Variants in GRHL2 observed in about 807,000 individuals in gnomAD.
The protein encoded by GRHL2 is grainyhead like transcription factor 2.
Under a neutral mutation model 83.8 loss-of-function variants are expected in GRHL2, and 21 were observed. The ratio of observed to expected loss-of-function variants is 0.25; its 90% confidence interval spans 0.18 to 0.36. The LOEUF (loss-of-function observed/expected upper bound fraction) is 0.36, where lower values mean the gene tolerates loss of function less well. Ranked by LOEUF, GRHL2 falls within the 10% of genes least tolerant of loss-of-function variation. GRHL2 has a pLI of 1.00. For synonymous variants in GRHL2, 280 were observed against 278.9 expected (o/e 1.00, Z -0.04); for missense variants, 623 against 781.8 (o/e 0.80, Z 2.42).
chr8:101,671,811 T>C (rs755920625), downstream of GRHL2, among the ~76,000 whole-genome samples: 252 of 152,278 alleles, frequency 1.7e-3, 4 homozygotes, highest in Non-Finnish European at 8.4e-4. Flanking sequence ...TGACATCTCA[T>C]ATGTCCGGGT....
chr8:101,675,801 T>C, the GRHL2 span, among the ~76,000 whole-genome samples: 3 of 152,116 alleles, frequency 2.0e-5, no homozygotes, highest in Non-Finnish European at 4.4e-5. Context: ...GCTACCTGAC[T>C]TCAAACTATA....
At chr8:101,534,331 G>T (rs1810997723) in intron 1 of GRHL2, among the ~76,000 whole-genome samples, 1 of 152,090 alleles carries the variant, frequency 6.6e-6, no homozygotes, top group Non-Finnish European at 1.5e-5. Context: ...TCACCTGGTT[G>T]TGGGCAGCCC....
At chr8:101,601,159 AACACACACAC>A (rs5893575) in intron 8 of GRHL2, among the ~76,000 whole-genome samples, 6 of 137,414 alleles carry the variant, frequency 4.4e-5, no homozygotes, top group Non-Finnish European at 6.2e-5. Context: ...GACTGTCTTA[AACACACACAC>A]ACACACACAC....
In GRHL2 at chr8:101,632,166, G is replaced by A. The variant is rs142873162; in HGVS notation, c.1346-60G>A. The A allele has an allele frequency of 1.4e-5, 23 of 1,588,066 alleles. No homozygotes were observed. The African/African-American group carries it at 1.5e-4, about 10-fold the overall frequency. On this transcript the variant is annotated intron_variant, in intron 10 of 15. Transcript: ENST00000646743. ...AAAATCGTGGACTTTAGGACTTACA[G>A]TTGAGAGTTCTTAGTCATATATGAC... is the stretch of plus-strand genomic sequence containing the variant.
chr8:101,522,565 A>T (rs979460396), intron 1 of GRHL2, among the ~76,000 whole-genome samples: 2 of 152,070 alleles, frequency 1.3e-5, no homozygotes, highest in Admixed American at 6.5e-5. Flanking sequence ...AAATGGTATA[A>T]CCTCTCTGGA....
At chr8:101,604,078 A>ATGTGTG (rs1295318821) in intron 8 of GRHL2, among the ~76,000 whole-genome samples, 47 of 150,182 alleles carry the variant, frequency 3.1e-4, no homozygotes, top group South Asian at 1.1e-3. Flanking sequence ...ATGTGTGTGC[A>ATGTGTG]TATGTGTATG....
Position 101,667,640 on chromosome 8 carries a change from A to G in GRHL2, c.*937A>G, listed in dbSNP as rs1334037467. 12 of 152,316 alleles carry G rather than the reference A, an allele frequency of 7.9e-5. No homozygotes were observed. The highest frequency in any genetic ancestry group is 7.2e-4 in the Admixed American group (11 of 15,276). The allele number at this position is 152,316 out of a possible 1,614,324, so 9.4% of individuals were successfully genotyped here. ...CCTTCGAGGCCACCACGTTTATCTC[A>G]CAATGATGTGTTTTGCTTGACTTTC... On this transcript the variant is annotated 3_prime_UTR_variant, in exon 16 of 16. Transcript: ENST00000646743.
intron 1 of GRHL2, among the ~76,000 whole-genome samples, chr8:101,535,690 C>G (rs1247778207): frequency 6.6e-6 from 1 of 152,082 alleles, no homozygotes; most frequent in Non-Finnish European, 1.5e-5. Flanking sequence ...AGGCGCGCAC[C>G]ACCACACCTG....
chr8:101,606,720 T>C (rs1586138875), intron 8 of GRHL2, among the ~76,000 whole-genome samples: 1 of 152,166 alleles, frequency 6.6e-6, no homozygotes, highest in African/African-American at 2.4e-5. Flanking sequence ...ACTTACTATT[T>C]CTATAGAAAA....
At chr8:101,542,089 C>T (rs1182180054) in intron 1 of GRHL2, among the ~76,000 whole-genome samples, 1 of 152,082 alleles carries the variant, frequency 6.6e-6, no homozygotes, top group Non-Finnish European at 1.5e-5. Context: ...GCTTACATTG[C>T]CTTTTACATT....
chr8:101,631,805 G>A (rs932566103), intron 10 of GRHL2, 81 bp downstream of exon 10: 25 of 1,176,940 alleles, frequency 2.1e-5, no homozygotes, highest in Admixed American at 1.4e-4. Context: ...GGAAGAAGTG[G>A]GTTGCAGGTA....
At chr8:101,518,966 G>A (rs536461571) in intron 1 of GRHL2, among the ~76,000 whole-genome samples, 2 of 152,216 alleles carry the variant, frequency 1.3e-5, no homozygotes, top group South Asian at 2.1e-4. Flanking sequence ...CACTGGCCTC[G>A]TCTGTTGGAA....
At chr8:101,674,938 A>G in the GRHL2 span, among the ~76,000 whole-genome samples, 1 of 152,200 alleles carries the variant, frequency 6.6e-6, no homozygotes, top group African/African-American at 2.4e-5. Context: ...CAGCATATAA[A>G]CAGAACCAAG....
At chr8:101,512,542 T>C (rs985407945) in intron 1 of GRHL2, among the ~76,000 whole-genome samples, 2 of 152,194 alleles carry the variant, frequency 1.3e-5, no homozygotes, top group African/African-American at 4.8e-5. Context: ...TGGCATGATC[T>C]CAGCTCACTG....
intron 1 of GRHL2, among the ~76,000 whole-genome samples, chr8:101,493,376 G>A (rs976126120): frequency 2.6e-5 from 4 of 152,148 alleles, no homozygotes; most frequent in Admixed American, 2.6e-4. Flanking sequence ...AGGCCGGGGG[G>A]CGCGGGGGCG....
intron 1 of GRHL2, among the ~76,000 whole-genome samples, chr8:101,542,409 G>A (rs906834533): frequency 3.3e-5 from 5 of 151,972 alleles, no homozygotes; most frequent in African/African-American, 4.8e-5. Context: ...ACAAAAATTA[G>A]CCAAGCAAGG....
chr8:101,631,607 C>A (rs759132407), intron 9 of GRHL2, 30 bp from the exon 10 acceptor site: 24 of 1,567,758 alleles, frequency 1.5e-5, no homozygotes, highest in Non-Finnish European at 2.0e-5. Flanking sequence ...ATATGCCTGG[C>A]ATTTTCTGTA....
chr8:101,572,253 G>A (rs376003824), intron 5 of GRHL2, among the ~76,000 whole-genome samples: 1 of 152,118 alleles, frequency 6.6e-6, no homozygotes, highest in East Asian at 1.9e-4. Flanking sequence ...TGATTCAATG[G>A]TACTGTGTTG....
chr8:101,519,323 C>T (rs1041840111), intron 1 of GRHL2, among the ~76,000 whole-genome samples: 3 of 151,926 alleles, frequency 2.0e-5, no homozygotes, highest in African/African-American at 7.3e-5. Context: ...TGTACTTGGC[C>T]CTTCATTGAT....
Sources: gnomAD v4.1 joint callset for allele counts (sites outside exome capture counted in the v4.1 genomes callset) on GRCh38, gnomAD v4.1.1 for gene constraint, MANE v1.5 for transcripts, NCBI Gene and HGNC (gene_info 2026-07-23, HGNC 2026-07-21) for gene names.